Variants in PTPRT observed in about 807,000 individuals in gnomAD.
The protein encoded by PTPRT is receptor-type tyrosine-protein phosphatase T.
Under a neutral mutation model 176.8 loss-of-function variants are expected in PTPRT, and 56 were observed. That is an observed-to-expected ratio of 0.32 (90% CI 0.26 to 0.40). The LOEUF is 0.40. Among genes scored for constraint, PTPRT ranks in the 10% least tolerant of loss-of-function variants. The pLI is 1.00. For synonymous variants in PTPRT, 783 were observed against 739.0 expected, an observed-to-expected ratio of 1.06 and a Z score of -0.96; for missense variants, 1,540 against 1,908.2, an observed-to-expected ratio of 0.81 and a Z score of 3.60.
At chr20:42,218,908 G>A (rs956482053) in intron 15 of PTPRT, among the ~76,000 whole-genome samples, 3 of 152,206 alleles carry the variant, frequency 2.0e-5, no homozygotes, top group Admixed American at 2.0e-4. Context: ...GGCTGTAAGA[G>A]GCAGTGCCAG....
intron 7 of PTPRT, among the ~76,000 whole-genome samples, chr20:42,605,124 G>A (rs2073852502): frequency 6.6e-6 from 1 of 152,200 alleles, no homozygotes; most frequent in Non-Finnish European, 1.5e-5. Flanking sequence ...CACATGCAAG[G>A]CACAGGCCTC....
At position 42,142,142 on chromosome 20, in the gene PTPRT, G is replaced by A; in HGVS notation, c.2683-140C>T. On this transcript the variant is annotated intron_variant, in intron 17 of 30. Transcript: ENST00000373187. ...GATAGATGTCCTTGGATGGGGCCTG[G>A]GGAGGACATAGATTTTGTCTGTCCC... is the stretch of plus-strand genomic sequence containing the variant. The A allele has an allele frequency of 7.1e-6, 5 of 702,608 alleles. No homozygotes were observed. The South Asian group carries it at 8.2e-5, about 12-fold the overall frequency. The allele number at this position is 702,608 out of a possible 1,614,324, so 43.5% of individuals were successfully genotyped here.
rs1982731724 is a variant in PTPRT, at chr20:42,075,987, G to C, written c.*4892C>G. 4.5e-6 allele frequency: 1 copy of C among 223,634 alleles called. No homozygotes were observed. The highest frequency in any genetic ancestry group is 8.9e-6 in the Non-Finnish European group (1 of 111,924). The allele number at this position is 223,634 out of a possible 1,614,324, so 13.9% of individuals were successfully genotyped here. On this transcript the variant is annotated 3_prime_UTR_variant, in exon 31 of 31. Coordinates refer to ENST00000373187, the MANE Select transcript of PTPRT (RefSeq NM_007050.6). ...ATCCTCGGTTCTGAGTATTCACTGG[G>C]TTCCAGTTTCCTGGCCTTGCGTTCC...
intron 6 of PTPRT, among the ~76,000 whole-genome samples, chr20:42,754,174 T>A (rs975821396): frequency 9.0e-5 from 13 of 145,230 alleles, no homozygotes; most frequent in African/African-American, 3.1e-4. Flanking sequence ...AATATAATAA[T>A]AATAAATCTT....
rs969422976 is a variant in PTPRT at position 42,550,542 on chromosome 20, C to A, written c.1154-77980G>T. Among the ~76,000 whole-genome samples, 6 of 152,024 alleles carry A rather than the reference C, an allele frequency of 3.9e-5. No individual in the cohort carries two copies. The East Asian group carries it at 1.2e-3, about 29-fold the overall frequency. ...AACCAGTGAATAGCAGACCTAGTTG[C>A]ATTCTTGATCCAAAGCCAAGTTACC... is the stretch of plus-strand genomic sequence containing the variant. On this transcript the variant is annotated intron_variant, in intron 7 of 30. Transcript: ENST00000373187.
At chr20:42,084,368 C>T (rs1983657303) in intron 29 of PTPRT, among the ~76,000 whole-genome samples, 1 of 152,236 alleles carries the variant, frequency 6.6e-6, no homozygotes, top group South Asian at 2.1e-4. Flanking sequence ...GTGCCTTTCC[C>T]TCATGCTCTT....
intron 12 of PTPRT, among the ~76,000 whole-genome samples, chr20:42,285,727 G>GA (rs963913251): frequency 3.1e-4 from 45 of 146,482 alleles, no homozygotes; most frequent in African/African-American, 9.2e-4. Context: ...ATCCAAATTG[G>GA]AAAAAAAAAA....
intron 29 of PTPRT, among the ~76,000 whole-genome samples, chr20:42,082,341 G>C (rs2146094263): frequency 6.6e-6 from 1 of 152,262 alleles, no homozygotes; most frequent in Non-Finnish European, 1.5e-5. Context: ...GTCACTCAGG[G>C]CACACTCACC....
intron 1 of PTPRT, among the ~76,000 whole-genome samples, chr20:43,179,597 T>C (rs953959104): frequency 1.2e-4 from 18 of 152,232 alleles, no homozygotes; most frequent in Admixed American, 2.0e-4. Flanking sequence ...TGATGGATCT[T>C]CATATTAATT....
the PTPRT span, among the ~76,000 whole-genome samples, chr20:42,045,664 T>TG: frequency 6.6e-6 from 1 of 151,700 alleles, no homozygotes; most frequent in Non-Finnish European, 1.5e-5. Flanking sequence ...CCTTTTTTTT[T>TG]TCTTTTAAAC....
intron 7 of PTPRT, among the ~76,000 whole-genome samples, chr20:42,507,690 C>G (rs569780545): frequency 6.6e-5 from 10 of 152,186 alleles, no homozygotes; most frequent in South Asian, 2.1e-4. Flanking sequence ...TCCTTTCTCT[C>G]TAGACCTGAG....
intron 22 of PTPRT, among the ~76,000 whole-genome samples, chr20:42,111,439 G>T (rs569142809): frequency 1.3e-5 from 2 of 152,204 alleles, no homozygotes; most frequent in South Asian, 4.1e-4. Context: ...CCTTGTCGGG[G>T]AGGCAGATGC....
chr20:42,045,588 G>T, the PTPRT span, among the ~76,000 whole-genome samples: 1 of 151,970 alleles, frequency 6.6e-6, no homozygotes, highest in Non-Finnish European at 1.5e-5. Flanking sequence ...ATGTTTATCT[G>T]CTTCAGTTGG....
chr20:43,035,657 G>T (rs1234840366), intron 1 of PTPRT, among the ~76,000 whole-genome samples: 3 of 152,160 alleles, frequency 2.0e-5, no homozygotes, highest in Non-Finnish European at 4.4e-5. Context: ...ATGAACAAAG[G>T]TAACTACTGA....
At chr20:42,577,991 G>A (rs2073295062) in intron 7 of PTPRT, among the ~76,000 whole-genome samples, 2 of 150,322 alleles carry the variant, frequency 1.3e-5, no homozygotes, top group African/African-American at 5.0e-5. Flanking sequence ...ACATGTGTGT[G>A]AATTCCCATT....
chr20:42,142,092 T>G (rs1988657153), intron 17 of PTPRT, 90 bp from the exon 18 acceptor site: 2 of 1,038,964 alleles, frequency 1.9e-6, no homozygotes, highest in African/African-American at 1.6e-5. Flanking sequence ...TAAGACCCAC[T>G]GCGATGGGAC....
At chr20:42,681,932 A>C (rs181431684) in intron 6 of PTPRT, among the ~76,000 whole-genome samples, 24 of 152,340 alleles carry the variant, frequency 1.6e-4, no homozygotes, top group Non-Finnish European at 2.1e-4. Flanking sequence ...AAGAAAAATA[A>C]AAGAATGCAT....
At chr20:42,805,724 C>T (rs4812653) in intron 2 of PTPRT, among the ~76,000 whole-genome samples, 17,202 of 152,114 alleles carry the variant, frequency 0.11, 1,258 homozygotes, top group East Asian at 0.37. Context: ...ACCTTTGCAA[C>T]GATTATTTCC....
intron 9 of PTPRT, among the ~76,000 whole-genome samples, chr20:42,446,562 C>T (rs2070735199): frequency 6.7e-6 from 1 of 148,836 alleles, no homozygotes. Flanking sequence ...AGGCACAACA[C>T]ATCTTTATTT....
Sources: gnomAD v4.1 joint callset for allele counts (sites outside exome capture counted in the v4.1 genomes callset) on GRCh38, gnomAD v4.1.1 for gene constraint, MANE v1.5 for transcripts, NCBI Gene and HGNC (gene_info 2026-07-23, HGNC 2026-07-21) for gene names.